Variants in ZBTB25 observed in about 807,000 individuals in gnomAD.
The protein encoded by ZBTB25 is zinc finger and BTB domain containing 25, also known as zinc finger and BTB domain-containing protein 25.
Under a neutral mutation model 34.2 loss-of-function variants are expected in ZBTB25, and 20 were observed. The ratio of observed to expected loss-of-function variants is 0.58; its 90% CI spans 0.41 to 0.85. ZBTB25 has a LOEUF of 0.85. Among genes scored for constraint, ZBTB25 ranks in the 40% least tolerant of loss-of-function variants. The probability of loss-of-function intolerance (pLI) is 0.00; values close to 1 mark genes in which losing one functional copy is unlikely to be tolerated. For missense variants in ZBTB25, 437 were observed against 521.8 expected (o/e 0.84, Z 1.58); for synonymous variants, 175 against 186.4 (o/e 0.94, Z 0.50).
intron 1 of ZBTB25, 49 bp downstream of exon 1, chr14:64,503,612 G>C (rs1202946074): frequency 1.0e-6 from 1 of 985,542 alleles, no homozygotes; most frequent in Non-Finnish European, 1.2e-6. Context: ...CTCGCGGCAG[G>C]AGGGACTGAG....
rs1000163932 is a variant in ZBTB25, at chr14:64,478,551, T to C, written c.*8372A>G. On this transcript the variant is annotated 3_prime_UTR_variant, in exon 3 of 3. Coordinates refer to ENST00000608382, the MANE Select transcript of ZBTB25 (RefSeq NM_006977.5). ...AACACCAAAAACTGAGTGTGATGCC[T>C]GATTAAAAGAGCCCAAATTCCAAGG... The C allele has an allele frequency of 5.9e-5, 9 of 152,224 alleles. No homozygotes were observed. Among genetic ancestry groups the C allele is most frequent in the African/African-American group, 2.2e-4 (9 of 41,456 alleles). 9.4% of individuals were successfully genotyped at this position (152,224 alleles called of 1,614,324 possible).
At chr14:64,456,451 T>A (rs938374623) in intron 2 of ZBTB25, among the ~76,000 whole-genome samples, 1 of 152,170 alleles carries the variant, frequency 6.6e-6, no homozygotes, top group Non-Finnish European at 1.5e-5. Flanking sequence ...TAATATTGTC[T>A]TTTTTTGTAT....
chr14:64,497,475 G>C (rs79151617), intron 1 of ZBTB25, among the ~76,000 whole-genome samples: 1 of 152,134 alleles, frequency 6.6e-6, no homozygotes, highest in Non-Finnish European at 1.5e-5. Flanking sequence ...TAAGATGTGA[G>C]AGAAATTATG....
intron 2 of ZBTB25, among the ~76,000 whole-genome samples, chr14:64,453,264 G>T (rs2078405680): frequency 6.6e-6 from 1 of 151,798 alleles, no homozygotes; most frequent in Non-Finnish European, 1.5e-5. Flanking sequence ...AAAATCTGAG[G>T]CTTGATATTA....
chr14:64,472,618 G>T, intron 2 of ZBTB25: 1 of 167,058 alleles, frequency 6.0e-6, no homozygotes. Flanking sequence ...GTTGAATTAA[G>T]TAGGATTTCA....
At position 64,500,280 on chromosome 14, in the gene ZBTB25, T is replaced by C. The variant is rs537824071; in HGVS notation, c.-8+3381A>G. Among the ~76,000 whole-genome samples, 70 of 152,128 alleles carry C rather than the reference T, an allele frequency of 4.6e-4. 1 individual carries two copies. The South Asian group carries it at 0.013, about 29-fold the overall frequency. Reference sequence around the variant, plus strand: ...CAATACTTCTTTCGCAATGGAAGTATACTCCCATGAACACACTACTCAAGT... The same window carrying C: ...CAATACTTCTTTCGCAATGGAAGTACACTCCCATGAACACACTACTCAAGT... On this transcript the variant is annotated intron_variant, in intron 1 of 2. Transcript: ENST00000608382.
chr14:64,494,854 GATA>G (rs2079215799), intron 1 of ZBTB25, among the ~76,000 whole-genome samples: 1 of 152,146 alleles, frequency 6.6e-6, no homozygotes, highest in African/African-American at 2.4e-5. Context: ...CTTCAGATTA[GATA>G]ATTTCTATTA....
In ZBTB25 at chr14:64,503,717, A is replaced by G; in HGVS notation, c.-64T>C. The G allele has an allele frequency of 4.9e-6, 3 of 614,142 alleles. No individual in the cohort carries two copies. The highest frequency in any genetic ancestry group is 6.1e-6 in the Non-Finnish European group (3 of 490,652). 38.0% of individuals were successfully genotyped at this position (614,142 alleles called of 1,614,324 possible). On this transcript the variant is annotated 5_prime_UTR_variant, in exon 1 of 3. Transcript: ENST00000608382. The stretch of plus-strand genomic sequence containing the variant: ...TCCGTGCAGGAGGGGCGGGCTCCCA[A>G]GCCGCGCACTGCAAGCAGTGGCGCC...
At chr14:64,494,484 T>C (rs1006832417) in intron 1 of ZBTB25, among the ~76,000 whole-genome samples, 3 of 152,056 alleles carry the variant, frequency 2.0e-5, no homozygotes, top group African/African-American at 7.2e-5. Context: ...AATACAAAAA[T>C]TAGCCAGGTG....
chr14:64,458,088 A>G (rs542587888), intron 2 of ZBTB25: 2 of 786,502 alleles, frequency 2.5e-6, no homozygotes, highest in South Asian at 1.3e-5. Context: ...TGGGGGTCTC[A>G]CTATGTTGCC....
At chr14:64,450,303 C>G (rs1228846263) in intron 2 of ZBTB25, among the ~76,000 whole-genome samples, 3 of 152,214 alleles carry the variant, frequency 2.0e-5, no homozygotes, top group Non-Finnish European at 4.4e-5. Context: ...TGGTAAGGGG[C>G]TGCATCGAGC....
chr14:64,502,323 C>G (rs2079524037), intron 1 of ZBTB25, among the ~76,000 whole-genome samples: 1 of 152,236 alleles, frequency 6.6e-6, no homozygotes, highest in Admixed American at 6.5e-5. Context: ...ACTGCCAGCT[C>G]TCAGAATTAA....
chr14:64,453,860 A>G, intron 2 of ZBTB25: 1 of 1,587,508 alleles, frequency 6.3e-7, no homozygotes, highest in Non-Finnish European at 8.7e-7. Context: ...TACACGAAGC[A>G]GGTAGATGTT....
chr14:64,469,019 G>C, intron 2 of ZBTB25: 1 of 1,614,204 alleles, frequency 6.2e-7, no homozygotes, highest in South Asian at 1.1e-5. Flanking sequence ...TGGAGAGAAA[G>C]TGATTTCAGT....
At position 64,469,236 on chromosome 14, in the gene ZBTB25, G is replaced by A. The variant is rs145276427; in HGVS notation, c.174-19598C>T. 76 of 1,613,852 alleles carry A rather than the reference G, an allele frequency of 4.7e-5. No homozygotes were observed. The highest frequency in any genetic ancestry group is 6.4e-5 in the Non-Finnish European group (75 of 1,180,030). ...GATCAACAAATTGTGGAAGAAGCCA[G>A]TAACAGTACCCTAGAAAGTGCACCA... is the stretch of plus-strand genomic sequence containing the variant. On this transcript the variant is annotated intron_variant, in intron 2 of 2. Coordinates refer to the ZBTB25 transcript ENST00000555220.
Position 64,485,212 on chromosome 14 carries a change from G to C in ZBTB25, c.*1711C>G. 2.0e-6 allele frequency: 2 copies of C among 985,428 alleles called. No homozygotes were observed. Among genetic ancestry groups the C allele is most frequent in the South Asian group, 9.4e-5 (2 of 21,278 alleles). The allele number at this position is 985,428 out of a possible 1,614,324, so 61.0% of individuals were successfully genotyped here. ...TGGATTACTCTTTGAGCTCCCTCCT[G>C]ATTGGACGCTGATGCTGTTGAATGT... is the stretch of plus-strand genomic sequence containing the variant. On this transcript the variant is annotated 3_prime_UTR_variant, in exon 3 of 3. Transcript: ENST00000608382.
At position 64,458,132 on chromosome 14, in the gene ZBTB25, C is replaced by A. The variant is rs924781039; in HGVS notation, c.174-8494G>T. 3.8e-5 allele frequency: 42 copies of A among 1,102,112 alleles called. No individual in the cohort carries two copies. The East Asian group carries it at 9.2e-4, about 24-fold the overall frequency. 68.3% of individuals were successfully genotyped at this position (1,102,112 alleles called of 1,614,324 possible). On this transcript the variant is annotated intron_variant, in intron 2 of 2. Transcript: ENST00000555220. ...TTTAGAACTCCTGGCCTCAAGTGAT[C>A]CTCTCCACCTCAGCCTGGGATTATA...
Position 64,483,129 on chromosome 14 carries a change from A to T in ZBTB25, c.*3794T>A, listed in dbSNP as rs927843015. 40 of 152,252 alleles carry T rather than the reference A, an allele frequency of 2.6e-4. No homozygotes were observed. The highest frequency in any genetic ancestry group is 9.6e-4 in the African/African-American group (40 of 41,476). 9.4% of individuals were successfully genotyped at this position (152,252 alleles called of 1,614,324 possible). A position where few individuals can be genotyped will look rare whatever the true frequency, so the allele number is the denominator to read the frequency against. ...CTGACTCAAGGGGAAAATGTTTAGTATCTGCCTGATACACACGAAAGTGCA... is the reference window on the plus strand; with the variant it reads ...CTGACTCAAGGGGAAAATGTTTAGTTTCTGCCTGATACACACGAAAGTGCA... On this transcript the variant is annotated 3_prime_UTR_variant, in exon 3 of 3. Coordinates refer to ENST00000608382, the MANE Select transcript of ZBTB25 (RefSeq NM_006977.5).
At chr14:64,490,739 C>G (rs1284779838) in intron 1 of ZBTB25, among the ~76,000 whole-genome samples, 199 bp from the exon 2 acceptor site, 2 of 152,172 alleles carry the variant, frequency 1.3e-5, no homozygotes, top group East Asian at 1.9e-4. Flanking sequence ...ATTATGACAA[C>G]TGATATAAAC....
Sources: allele counts gnomAD v4.1 joint callset (sites outside exome capture counted in the v4.1 genomes callset), GRCh38; gene constraint gnomAD v4.1.1; transcripts MANE v1.5; gene names NCBI Gene and HGNC (gene_info 2026-07-23, HGNC 2026-07-21).